DOCK9: variants seen among roughly 807,000 people sequenced by gnomAD.
The protein encoded by DOCK9 is dedicator of cytokinesis 9, also known as dedicator of cytokinesis protein 9.
A neutral mutation model predicts 263.3 loss-of-function variants in DOCK9; 89 were observed. The ratio of observed to expected loss-of-function variants is 0.34; its 90% CI spans 0.28 to 0.40. The LOEUF is 0.40. DOCK9 is among the 10% of genes least tolerant of loss of function. The pLI is 1.00. For missense variants in DOCK9, 2,140 were observed against 2,603.4 expected, an observed-to-expected ratio of 0.82 and a Z score of 3.87; for synonymous variants, 976 against 973.1, an observed-to-expected ratio of 1.00 and a Z score of -0.06.
chr13:99,080,656 TCTTC>T (rs957450151), intron 1 of DOCK9, among the ~76,000 whole-genome samples: 7 of 152,230 alleles, frequency 4.6e-5, no homozygotes, highest in Non-Finnish European at 1.0e-4. Flanking sequence ...AGGATAAAAG[TCTTC>T]CTTATCTCTG....
At chr13:99,010,143 T>C (rs562283283) in intron 1 of DOCK9, among the ~76,000 whole-genome samples, 42 of 152,338 alleles carry the variant, frequency 2.8e-4, no homozygotes, top group African/African-American at 8.7e-4. Flanking sequence ...CTGCTCTTCA[T>C]TAAGCAGCTG....
At chr13:99,059,675 T>C (rs1215685311) in intron 1 of DOCK9, among the ~76,000 whole-genome samples, 1 of 152,226 alleles carries the variant, frequency 6.6e-6, no homozygotes, top group African/African-American at 2.4e-5. Context: ...AGTTTTGTGA[T>C]ATAATTCACA....
rs1362852440 is a variant in DOCK9 at position 98,868,102 on chromosome 13, C to G, written c.3091-91G>C. 9 of 1,527,922 alleles carry G rather than the reference C, an allele frequency of 5.9e-6. No individual in the cohort carries two copies. The East Asian group carries it at 1.8e-4, about 31-fold the overall frequency. 94.6% of individuals were successfully genotyped at this position (1,527,922 alleles called of 1,614,324 possible). On this transcript the variant is annotated intron_variant, in intron 28 of 52. Transcript: ENST00000682017. Reference sequence around the variant, plus strand: ...CAGCATTTATTGCTAATAAGTTTATCCACTGACATAAAAAACATGCCATCA... The same window carrying G: ...CAGCATTTATTGCTAATAAGTTTATGCACTGACATAAAAAACATGCCATCA...
intron 1 of DOCK9, among the ~76,000 whole-genome samples, chr13:99,032,222 G>A (rs1887417757): frequency 6.6e-6 from 1 of 152,142 alleles, no homozygotes; most frequent in Non-Finnish European, 1.5e-5. Flanking sequence ...TGTAATCCTA[G>A]CACTTTGGGA....
chr13:98,828,421 C>G (rs1383551311), intron 43 of DOCK9, among the ~76,000 whole-genome samples: 1 of 152,112 alleles, frequency 6.6e-6, no homozygotes. Flanking sequence ...TTAGTTATTC[C>G]TTTTTATTAT....
intron 1 of DOCK9, among the ~76,000 whole-genome samples, chr13:98,964,116 G>A (rs536269785): frequency 8.5e-5 from 13 of 152,262 alleles, no homozygotes; most frequent in South Asian, 6.2e-4. Flanking sequence ...AAAAGAACAC[G>A]GCCCTGCCCC....
intron 27 of DOCK9, 42 bp downstream of exon 27, chr13:98,879,856 C>G (rs753631723): frequency 1.1e-5 from 17 of 1,527,278 alleles, no homozygotes; most frequent in Non-Finnish European, 1.2e-5. Context: ...AAAGAGATTT[C>G]TTTTCCCCTA....
At chr13:98,927,456 G>A (rs949251110) in intron 3 of DOCK9, among the ~76,000 whole-genome samples, 11 of 152,164 alleles carry the variant, frequency 7.2e-5, no homozygotes, top group South Asian at 4.2e-4. Flanking sequence ...GAGCTACAGC[G>A]GTTTTTCAAC....
chr13:98,957,263 C>T (rs1479703957), intron 1 of DOCK9, among the ~76,000 whole-genome samples: 1 of 152,232 alleles, frequency 6.6e-6, no homozygotes, highest in East Asian at 1.9e-4. Flanking sequence ...GGAGCAAGAA[C>T]TGAAACACCT....
intron 2 of DOCK9, among the ~76,000 whole-genome samples, chr13:98,941,720 T>G (rs1025438490): frequency 6.6e-6 from 1 of 152,086 alleles, no homozygotes; most frequent in African/African-American, 2.4e-5. Flanking sequence ...GCCTTCCCAT[T>G]TAGTAAGGGA....
chr13:99,043,768 C>T (rs1007301195), intron 1 of DOCK9, among the ~76,000 whole-genome samples: 3 of 152,128 alleles, frequency 2.0e-5, no homozygotes, highest in African/African-American at 7.2e-5. Flanking sequence ...TCATCTTACC[C>T]ACATCCTTTC....
At chr13:98,906,170 G>A (rs2049058142) in intron 9 of DOCK9, among the ~76,000 whole-genome samples, 1 of 152,184 alleles carries the variant, frequency 6.6e-6, no homozygotes, top group Admixed American at 6.5e-5. Context: ...CAGCTAAAGG[G>A]ATGAAACTTA....
chr13:98,885,299 T>C, intron 20 of DOCK9: 1 of 700,678 alleles, frequency 1.4e-6, no homozygotes. Context: ...TACAATCTTC[T>C]TTTATAAAAA....
chr13:98,796,068 T>A, intron 52 of DOCK9: 1 of 637,700 alleles, frequency 1.6e-6, no homozygotes. Flanking sequence ...CTCTACTTTT[T>A]AAAATGTCCA....
chr13:98,832,487 C>T (rs577943770), intron 39 of DOCK9, among the ~76,000 whole-genome samples: 2 of 152,132 alleles, frequency 1.3e-5, no homozygotes, highest in African/African-American at 2.4e-5. Flanking sequence ...TTTTGACATT[C>T]GTGGATTTTA....
intron 15 of DOCK9, among the ~76,000 whole-genome samples, chr13:98,896,853 A>G (rs1313176262): frequency 1.3e-5 from 2 of 152,174 alleles, no homozygotes; most frequent in Non-Finnish European, 2.9e-5. Flanking sequence ...CTTTGTACCT[A>G]TAAATGTGAC....
rs866536654 is a variant in DOCK9, at chr13:98,805,822, C to T, written c.5515-613G>A. Among the ~76,000 whole-genome samples, 7 of 152,024 alleles carry T rather than the reference C, an allele frequency of 4.6e-5. No individual in the cohort carries two copies. The South Asian group carries it at 6.2e-4, about 14-fold the overall frequency. On this transcript the variant is annotated intron_variant, in intron 48 of 52. Coordinates refer to ENST00000682017, the MANE Select transcript of DOCK9 (RefSeq NM_001366683.2). ...TGTTGCCCAGGCTGGAGTGCAATGG[C>T]GCGATCTCAGCTACTGCAACCTCTG...
At chr13:98,803,293 T>C (rs1041187283) in intron 49 of DOCK9, among the ~76,000 whole-genome samples, 4 of 152,216 alleles carry the variant, frequency 2.6e-5, no homozygotes, top group Admixed American at 6.5e-5. Context: ...CCTGGAGAAA[T>C]GTGCCCTGGG....
intron 38 of DOCK9, 47 bp downstream of exon 38, chr13:98,845,877 G>A: frequency 1.2e-6 from 2 of 1,603,428 alleles, no homozygotes; most frequent in Non-Finnish European, 1.7e-6. Flanking sequence ...CCTCTGAGAT[G>A]GCACATGAGA....
Sources: gnomAD v4.1 joint callset for allele counts (sites outside exome capture counted in the v4.1 genomes callset) on GRCh38, gnomAD v4.1.1 for gene constraint, MANE v1.5 for transcripts, NCBI Gene and HGNC (gene_info 2026-07-23, HGNC 2026-07-21) for gene names.